Variants in CASP4 observed in about 807,000 individuals in gnomAD.
CASP4 encodes caspase-4.
CASP4 carries 29 observed loss-of-function variants against 41.3 expected under a neutral mutation model. The ratio of observed to expected loss-of-function variants is 0.70; its 90% CI spans 0.52 to 0.96. The LOEUF (loss-of-function observed/expected upper bound fraction) is 0.96. Among genes scored for constraint, CASP4 ranks in the 40% least tolerant of loss-of-function variants. The pLI is 0.00. For missense variants in CASP4, 447 were observed against 460.6 expected (o/e 0.97, Z 0.27); for synonymous variants, 185 against 158.4 (o/e 1.17, Z -1.26).
chr11:104,944,589 A>G, intron 8 of CASP4, 159 bp downstream of exon 8: 1 of 561,846 alleles, frequency 1.8e-6, no homozygotes. Flanking sequence ...ATCCAAATAC[A>G]TGTAAGTCGG....
chr11:104,962,074 G>A (rs948427055), intron 1 of CASP4, among the ~76,000 whole-genome samples: 7 of 152,192 alleles, frequency 4.6e-5, no homozygotes, highest in Non-Finnish European at 1.0e-4. Flanking sequence ...ATTCTGCTGG[G>A]ATAGAAAATG....
intron 3 of CASP4, 164 bp downstream of exon 3, chr11:104,951,732 G>A: frequency 1.5e-6 from 1 of 672,802 alleles, no homozygotes; most frequent in Non-Finnish European, 2.7e-6. Flanking sequence ...AGAAAGGATT[G>A]GTATCATTGT....
chr11:104,957,708 C>G (rs921641844), intron 1 of CASP4, among the ~76,000 whole-genome samples: 1 of 151,848 alleles, frequency 6.6e-6, no homozygotes, highest in South Asian at 2.1e-4. Context: ...CCCTAATACC[C>G]AAAGAAATCT....
At chr11:104,945,814 T>C (rs943800016) in intron 7 of CASP4, among the ~76,000 whole-genome samples, 6 of 152,088 alleles carry the variant, frequency 3.9e-5, no homozygotes, top group African/African-American at 1.2e-4. Flanking sequence ...TCCTCCTCCT[T>C]CTCCTCCTCC....
intron 1 of CASP4, among the ~76,000 whole-genome samples, chr11:104,968,291 A>C (rs1861019231): frequency 6.6e-6 from 1 of 152,230 alleles, no homozygotes; most frequent in Non-Finnish European, 1.5e-5. Flanking sequence ...CCAGAAGCTG[A>C]AAGAAAGGAA....
rs1314755422 is a variant in CASP4 at position 104,947,149 on chromosome 11, G to A, written c.969C>T (p.Ile323=). 6.2e-7 allele frequency: 1 copy of A among 1,613,044 alleles called. No homozygotes were observed. The highest frequency in any genetic ancestry group is 1.7e-5 in the Admixed American group (1 of 59,980). Residue 323 remains isoleucine (I), a synonymous_variant, in exon 7 of 9, where the codon ATC becomes ATT. Coordinates refer to ENST00000444739, the MANE Select transcript of CASP4 (RefSeq NM_001225.4). ...TCTGGAAGCATGTGATGAGTTGTGT[G>A]ATGAAGATAGAGCCCATTGTGCTGT... ...WRDSTMGSIF[I]TQLITCFQKY... is the part of the protein sequence containing the mutation.
At chr11:104,943,932 G>C (rs1482944081) in intron 8 of CASP4, 2 of 152,330 alleles carry the variant, frequency 1.3e-5, no homozygotes. Context: ...CTTAGAGGGA[G>C]ATTGATAATA....
At chr11:104,953,906 C>T (rs889528926) in intron 2 of CASP4, among the ~76,000 whole-genome samples, 3 of 152,158 alleles carry the variant, frequency 2.0e-5, no homozygotes, top group Non-Finnish European at 2.9e-5. Flanking sequence ...TTTTGTAATT[C>T]GCAGAAGTAA....
At position 104,942,924 on chromosome 11, in the gene CASP4, G is replaced by T. The variant is rs1399671673; in HGVS notation, c.*55C>A. On this transcript the variant is annotated 3_prime_UTR_variant, in exon 9 of 9. Coordinates refer to ENST00000444739, the MANE Select transcript of CASP4 (RefSeq NM_001225.4). ...TGTTAAATATGCAAGCTGTACTAAT[G>T]AAGGTGCTCCTTGAAGTTGATTAAG... The T allele has an allele frequency of 4.4e-6, 2 of 456,076 alleles. No individual in the cohort carries two copies. The highest frequency in any genetic ancestry group is 4.4e-6 in the Non-Finnish European group (1 of 226,918). 28.3% of individuals were successfully genotyped at this position (456,076 alleles called of 1,614,324 possible).
At chr11:104,948,321 C>A in intron 6 of CASP4, 1 of 371,738 alleles carries the variant, frequency 2.7e-6, no homozygotes, top group South Asian at 1.2e-4. Flanking sequence ...CAGAATTCAT[C>A]ATCTGTTTAA....
chr11:104,958,731 C>A (rs533293645), intron 1 of CASP4, among the ~76,000 whole-genome samples: 17 of 151,982 alleles, frequency 1.1e-4, no homozygotes, highest in Non-Finnish European at 2.2e-4. Flanking sequence ...GAGGTTAAGG[C>A]GGGCAGATCA....
chr11:104,959,208 A>G (rs2134652491), intron 1 of CASP4, among the ~76,000 whole-genome samples: 1 of 152,258 alleles, frequency 6.6e-6, no homozygotes, highest in East Asian at 1.9e-4. Flanking sequence ...AGATTAATAG[A>G]TGAAGAAAAT....
At chr11:104,952,552 C>T (rs1860641679) in intron 2 of CASP4, among the ~76,000 whole-genome samples, 1 of 152,036 alleles carries the variant, frequency 6.6e-6, no homozygotes, top group African/African-American at 2.4e-5. Flanking sequence ...AAGCCAAATG[C>T]TTAATAGTTA....
chr11:104,951,477 T>G, intron 3 of CASP4: 1 of 250,050 alleles, frequency 4.0e-6, no homozygotes, highest in East Asian at 9.3e-5. Context: ...TGTTACTATT[T>G]TTAACACATA....
rs904058730 is a variant in CASP4, at chr11:104,951,737, C to T, written c.372+159G>A. 7 of 679,112 alleles carry T rather than the reference C, an allele frequency of 1.0e-5. No homozygotes were observed. The East Asian group carries it at 1.9e-4, about 19-fold the overall frequency. 42.1% of individuals were successfully genotyped at this position (679,112 alleles called of 1,614,324 possible). A position where few individuals can be genotyped will look rare whatever the true frequency, so the allele number is the denominator to read the frequency against. On this transcript the variant is annotated intron_variant, in intron 3 of 8. Transcript: ENST00000444739. ...TCATGGATTGAGAAAGGATTGGTATCATTGTGAAGTCACATAATCTTTCCC... is the reference window on the plus strand; with the variant it reads ...TCATGGATTGAGAAAGGATTGGTATTATTGTGAAGTCACATAATCTTTCCC...
chr11:104,968,564 A>G lies in CASP4; in HGVS notation c.-39T>C, dbSNP rs1449724995. The G allele has an allele frequency of 1.2e-6, 2 of 1,610,044 alleles. No homozygotes were observed. Among genetic ancestry groups the G allele is most frequent in the Admixed American group, 1.7e-5 (1 of 59,922 alleles). On this transcript the variant is annotated 5_prime_UTR_variant, in exon 1 of 9. Transcript: ENST00000444739. ...TGTCCTTTTTTACAGCGTTGGAAAG[A>G]GCCTCAGAGTCAAAAATGAAAGTAA...
At chr11:104,951,364 A>G (rs1323247343) in intron 3 of CASP4, 6 of 309,682 alleles carry the variant, frequency 1.9e-5, no homozygotes, top group African/African-American at 1.3e-4. Flanking sequence ...CTTTCTTAGC[A>G]TTCAAAGTTC....
At chr11:104,943,269 C>T (rs547347454) in intron 8 of CASP4, 5 of 257,818 alleles carry the variant, frequency 1.9e-5, no homozygotes, top group African/African-American at 1.1e-4. Flanking sequence ...CTCACTGCTT[C>T]TCCTAATTTG....
At chr11:104,947,054 A>G (rs1392237582) in intron 7 of CASP4, 29 bp downstream of exon 7, 1 of 1,405,788 alleles carries the variant, frequency 7.1e-7, no homozygotes, top group East Asian at 2.3e-5. Flanking sequence ...CTGAAGAAAT[A>G]AATGAGTAAC....
Sources: gnomAD v4.1 joint callset for allele counts (sites outside exome capture counted in the v4.1 genomes callset) on GRCh38, gnomAD v4.1.1 for gene constraint, MANE v1.5 for transcripts, NCBI Gene and HGNC (gene_info 2026-07-23, HGNC 2026-07-21) for gene names.